CACNA1C: variants seen among roughly 807,000 people sequenced by gnomAD.
CACNA1C encodes calcium voltage-gated channel subunit alpha1 C.
In CACNA1C, 30 loss-of-function variants were observed where a neutral mutation model predicts 229.0. The ratio of observed to expected loss-of-function variants is 0.13; its 90% CI spans 0.10 to 0.18. The LOEUF is 0.18. Among genes scored for constraint, CACNA1C ranks in the 10% least tolerant of loss-of-function variants. CACNA1C has a pLI of 1.00. For synonymous variants in CACNA1C, 1,114 were observed against 1,132.5 expected, an observed-to-expected ratio of 0.98 and a Z score of 0.33; for missense variants, 1,658 against 2,845.0, an observed-to-expected ratio of 0.58 and a Z score of 9.49.
intron 3 of CACNA1C, among the ~76,000 whole-genome samples, chr12:2,443,355 C>T (rs1029768440): frequency 2.0e-5 from 3 of 152,206 alleles, no homozygotes; most frequent in African/African-American, 7.2e-5. Context: ...TTCCGTGTCC[C>T]ACATCCAGGG....
rs933178144 is a variant in CACNA1C at position 2,493,010 on chromosome 12, C to T, written c.917-180C>T. On this transcript the variant is annotated intron_variant, in intron 6 of 46. Transcript: ENST00000399655. The surrounding 1 kb of genome is among the most constrained non-coding windows in gnomAD (Gnocchi z 4.6). ...GCAGCCTAAATGGAAAGCCTACTTT[C>T]TTGTGTTGCTTAATTCACATCTGGG... Among the ~76,000 whole-genome samples the T allele has an allele frequency of 6.6e-6, 1 of 152,210 alleles. No individual in the cohort carries two copies. The highest frequency in any genetic ancestry group is 1.5e-5 in the Non-Finnish European group (1 of 68,044).
At chr12:2,317,137 C>T (rs2095735039) in intron 3 of CACNA1C, among the ~76,000 whole-genome samples, 1 of 152,050 alleles carries the variant, frequency 6.6e-6, no homozygotes, top group African/African-American at 2.4e-5. Flanking sequence ...ATTCTCATAC[C>T]ATCTAACAAT....
intron 3 of CACNA1C, among the ~76,000 whole-genome samples, chr12:2,193,917 C>T (rs1264308909): frequency 6.6e-6 from 1 of 152,204 alleles, no homozygotes; most frequent in Non-Finnish European, 1.5e-5. Context: ...GTGCTTCTTA[C>T]TTATCTTCCT....
intron 9 of CACNA1C, among the ~76,000 whole-genome samples, chr12:2,537,006 C>G (rs1258027852): frequency 6.6e-6 from 1 of 152,140 alleles, no homozygotes; most frequent in Non-Finnish European, 1.5e-5. Flanking sequence ...AGGCCCCTGG[C>G]CCCCAAGCCC....
intron 1 of CACNA1C, among the ~76,000 whole-genome samples, chr12:2,057,420 AAG>A (rs2055519262): frequency 6.6e-6 from 1 of 152,184 alleles, no homozygotes; most frequent in Admixed American, 6.5e-5. Flanking sequence ...GGAGTCAGGA[AAG>A]GGGCTTCAGG....
In CACNA1C at chr12:2,655,166, T is replaced by C. The variant is rs1435255902; in HGVS notation, c.4160T>C (p.Leu1387Pro). 2 of 1,612,984 alleles carry C rather than the reference T, an allele frequency of 1.2e-6. No individual in the cohort carries two copies. The highest frequency in any genetic ancestry group is 2.2e-5 in the South Asian group (2 of 91,006). Residue 1387 changes from leucine to proline, a missense_variant, in exon 34 of 47, where the codon CTG becomes CCG. By Grantham distance (98) the Leu-to-Pro change is moderately conservative (BLOSUM62 -3). Transcript: ENST00000399655. The stretch of plus-strand genomic sequence containing the variant: ...TCCTAGGTGTTTGGGAAAATTGCCC[T>C]GAATGATACCACAGAGATCAACCGG... Reference protein sequence around the residue: ...IGMQVFGKIALNDTTEINRNN... With the variant: ...IGMQVFGKIAPNDTTEINRNN...
intron 3 of CACNA1C, among the ~76,000 whole-genome samples, chr12:2,213,138 G>A (rs2097980572): frequency 6.6e-6 from 1 of 152,168 alleles, no homozygotes; most frequent in African/African-American, 2.4e-5. Context: ...TCAGTCAGGA[G>A]CCAGCGCCTG....
chr12:2,118,136 G>A (rs1186371101), intron 2 of CACNA1C, among the ~76,000 whole-genome samples: 4 of 152,202 alleles, frequency 2.6e-5, no homozygotes, highest in East Asian at 1.9e-4. Context: ...TTAGCATGAA[G>A]TGAAGGATGG....
At position 2,183,471 on chromosome 12, in the gene CACNA1C, G is replaced by A. The variant is rs112205927; in HGVS notation, c.477+63041G>A. Reference sequence around the variant, plus strand: ...CCACAAGTGTGGGAAGGGGCTGCACGGGAATCAGAAATGTTTCCCCAGTGA... The same window carrying A: ...CCACAAGTGTGGGAAGGGGCTGCACAGGAATCAGAAATGTTTCCCCAGTGA... On this transcript the variant is annotated intron_variant, in intron 3 of 46. Coordinates refer to ENST00000399655, the MANE Select transcript of CACNA1C (RefSeq NM_000719.7). Among the ~76,000 whole-genome samples the A allele has an allele frequency of 4.0e-3, 611 of 152,328 alleles. 4 individuals are homozygous for A. Among genetic ancestry groups the A allele is most frequent in the African/African-American group, 0.013 (546 of 41,568 alleles).
intron 3 of CACNA1C, among the ~76,000 whole-genome samples, chr12:2,366,091 G>A (rs2097712181): frequency 6.6e-6 from 1 of 152,174 alleles, no homozygotes; most frequent in Non-Finnish European, 1.5e-5. Context: ...AGTATAAAAT[G>A]GACCAATGGT....
At chr12:2,550,730 G>C in intron 10 of CACNA1C, 1 of 1,205,992 alleles carries the variant, frequency 8.3e-7, no homozygotes, top group Non-Finnish European at 1.1e-6. Flanking sequence ...TTCCCTCCTC[G>C]TCTGTGGAAT....
chr12:2,565,192 G>A (rs1600256299), intron 11 of CACNA1C, among the ~76,000 whole-genome samples: 1 of 151,896 alleles, frequency 6.6e-6, no homozygotes, highest in Admixed American at 6.6e-5. Context: ...ACCCCGGCCG[G>A]GCGCGGTGGC....
intron 34 of CACNA1C, among the ~76,000 whole-genome samples, chr12:2,657,027 A>C (rs930420754): frequency 7.2e-5 from 11 of 152,236 alleles, no homozygotes; most frequent in African/African-American, 2.7e-4. Context: ...GCATTCCAGT[A>C]GTCAAGCAAA....
intron 3 of CACNA1C, among the ~76,000 whole-genome samples, chr12:2,236,248 G>T (rs1011040562): frequency 1.3e-5 from 2 of 152,198 alleles, no homozygotes; most frequent in Admixed American, 1.3e-4. Context: ...GCAGGTTCGG[G>T]TTGGGGCCTG....
At chr12:2,234,664 G>A (rs2066630949) in intron 3 of CACNA1C, among the ~76,000 whole-genome samples, 1 of 152,114 alleles carries the variant, frequency 6.6e-6, no homozygotes, top group Admixed American at 6.5e-5. Context: ...TTTTCTGTGT[G>A]TGTGTGTGTA....
At chr12:2,431,831 A>G (rs2099088436) in intron 3 of CACNA1C, among the ~76,000 whole-genome samples, 1 of 152,198 alleles carries the variant, frequency 6.6e-6, no homozygotes, top group Admixed American at 6.5e-5. Context: ...TGCAGTAAAG[A>G]GTCTTCAATG....
chr12:2,421,489 G>A (rs560936795), intron 3 of CACNA1C, among the ~76,000 whole-genome samples: 1 of 152,310 alleles, frequency 6.6e-6, no homozygotes, highest in African/African-American at 2.4e-5. Context: ...ATCCCAGATT[G>A]GAGAAGGAAG....
intron 1 of CACNA1C, among the ~76,000 whole-genome samples, chr12:2,046,712 C>A (rs1050851199): frequency 2.6e-5 from 4 of 152,300 alleles, no homozygotes; most frequent in African/African-American, 9.6e-5. Flanking sequence ...AGCTTGAATT[C>A]TCCTCACACT....
At chr12:2,345,797 C>T (rs548142852) in intron 3 of CACNA1C, among the ~76,000 whole-genome samples, 49 of 152,212 alleles carry the variant, frequency 3.2e-4, no homozygotes, top group African/African-American at 1.1e-3. Context: ...ATGGTACAGC[C>T]GTGATCATCT....
Sources: allele counts gnomAD v4.1 joint callset (sites outside exome capture counted in the v4.1 genomes callset), GRCh38; gene constraint gnomAD v4.1.1; non-coding constraint Gnocchi (gnomAD v3.1); transcripts MANE v1.5; gene names NCBI Gene and HGNC (gene_info 2026-07-23, HGNC 2026-07-21).